NSUN3: variants seen among roughly 807,000 people sequenced by gnomAD.
NSUN3 encodes NOP2/Sun RNA methyltransferase 3, also known as tRNA (cytosine(34)-C(5))-methyltransferase, mitochondrial.
NSUN3 carries 24 observed loss-of-function variants against 36.8 expected under a neutral mutation model. That is an observed-to-expected ratio of 0.65 (90% CI 0.47 to 0.92). The LOEUF is 0.92. NSUN3 is among the 40% of genes least tolerant of loss of function. NSUN3 has a pLI of 0.00. For missense variants in NSUN3, 381 were observed against 392.8 expected (o/e 0.97, Z 0.25); for synonymous variants, 146 against 145.2 (o/e 1.01, Z -0.04).
intron 3 of NSUN3, among the ~76,000 whole-genome samples, chr3:94,090,686 T>G (rs1020249895): frequency 6.6e-6 from 1 of 152,146 alleles, no homozygotes; most frequent in African/African-American, 2.4e-5. Context: ...AAACAAAAAT[T>G]TTTAAATGCA....
At chr3:94,068,238 A>G (rs1421451879) in intron 2 of NSUN3, among the ~76,000 whole-genome samples, 1 of 152,230 alleles carries the variant, frequency 6.6e-6, no homozygotes, top group Non-Finnish European at 1.5e-5. Context: ...TTTGACGTAT[A>G]GTAAGGACTT....
At chr3:94,089,785 T>G (rs891457646) in intron 3 of NSUN3, among the ~76,000 whole-genome samples, 2 of 152,180 alleles carry the variant, frequency 1.3e-5, no homozygotes, top group Non-Finnish European at 2.9e-5. Context: ...GTCCTTTCTT[T>G]CTTGCTCTAA....
Position 94,064,422 on chromosome 3 carries a change from T to C in NSUN3, c.13-15T>C. ...AATATCACTGTGTGTCAGCAACTTT[T>C]TCTTATCGTCATAGCTGAAAGCAAA... On this transcript the variant is annotated splice_polypyrimidine_tract_variant and intron_variant, in intron 1 of 5. Transcript: ENST00000314622. The C allele has an allele frequency of 6.4e-7, 1 of 1,559,936 alleles. No homozygotes were observed. Among genetic ancestry groups the C allele is most frequent in the Non-Finnish European group, 8.8e-7 (1 of 1,131,224 alleles).
At chr3:94,075,849 A>G in intron 2 of NSUN3, 1 of 1,069,096 alleles carries the variant, frequency 9.4e-7, no homozygotes, top group Non-Finnish European at 1.4e-6. Flanking sequence ...GTGTTAAATC[A>G]CTCTCAGGGT....
chr3:94,118,286 A>G (rs2077448367), intron 5 of NSUN3, among the ~76,000 whole-genome samples: 1 of 152,198 alleles, frequency 6.6e-6, no homozygotes, highest in African/African-American at 2.4e-5. Context: ...GGCATTTTAT[A>G]TTAAAGAATA....
chr3:94,096,854 C>CCTGT (rs1318708701), intron 5 of NSUN3, among the ~76,000 whole-genome samples: 1 of 152,132 alleles, frequency 6.6e-6, no homozygotes, highest in African/African-American at 2.4e-5. Flanking sequence ...ATTCCTTACA[C>CCTGT]CTGTAACAGA....
chr3:94,106,763 GA>G (rs1326614756), intron 5 of NSUN3, among the ~76,000 whole-genome samples: 4 of 151,796 alleles, frequency 2.6e-5, no homozygotes, highest in African/African-American at 9.7e-5. Context: ...ACAGGCAGTG[GA>G]AAAATGAAAG....
At chr3:94,078,895 A>C (rs971495217) in intron 2 of NSUN3, among the ~76,000 whole-genome samples, 2 of 152,006 alleles carry the variant, frequency 1.3e-5, no homozygotes, top group South Asian at 4.1e-4. Context: ...CCAATTTGCC[A>C]GTCTGTGTCT....
At chr3:94,111,683 G>A (rs966320612) in intron 5 of NSUN3, among the ~76,000 whole-genome samples, 1 of 151,936 alleles carries the variant, frequency 6.6e-6, no homozygotes, top group Non-Finnish European at 1.5e-5. Flanking sequence ...CAATATCACT[G>A]TCTTCCACCT....
chr3:94,068,907 T>C (rs2077215254), intron 2 of NSUN3, among the ~76,000 whole-genome samples: 1 of 152,212 alleles, frequency 6.6e-6, no homozygotes, highest in Non-Finnish European at 1.5e-5. Context: ...GATTTCTATA[T>C]TGTCCTATAT....
intron 5 of NSUN3, among the ~76,000 whole-genome samples, chr3:94,095,828 C>T (rs1374725236): frequency 2.0e-5 from 3 of 151,946 alleles, no homozygotes; most frequent in East Asian, 1.9e-4. Context: ...CTCACTGCAA[C>T]GTCCACCTCC....
chr3:94,097,401 C>G (rs2077346845), intron 5 of NSUN3, among the ~76,000 whole-genome samples: 1 of 151,508 alleles, frequency 6.6e-6, no homozygotes, highest in African/African-American at 2.4e-5. Flanking sequence ...AAGTCTTTTC[C>G]ATGTAGATCT....
At chr3:94,090,212 T>A (rs557384693) in intron 3 of NSUN3, among the ~76,000 whole-genome samples, 34 of 152,160 alleles carry the variant, frequency 2.2e-4, no homozygotes, top group East Asian at 1.9e-3. Context: ...AAAAAAAAAA[T>A]TAAGATTTGG....
At chr3:94,084,000 G>A in intron 2 of NSUN3, 107 bp from the exon 3 acceptor site, 1 of 785,478 alleles carries the variant, frequency 1.3e-6, no homozygotes, top group Non-Finnish European at 2.0e-6. Flanking sequence ...AAAATCACAG[G>A]TAAGTGAAGT....
At chr3:94,094,438 T>C in intron 4 of NSUN3, 144 bp downstream of exon 4, 1 of 733,912 alleles carries the variant, frequency 1.4e-6, no homozygotes. Flanking sequence ...AAAGTGAACA[T>C]GGAAGCAGTT....
At chr3:94,107,745 A>G (rs1161604544) in intron 5 of NSUN3, among the ~76,000 whole-genome samples, 1 of 152,110 alleles carries the variant, frequency 6.6e-6, no homozygotes, top group Non-Finnish European at 1.5e-5. Flanking sequence ...TGGGGACACC[A>G]TATCTCAATT....
chr3:94,122,748 G>A (rs932129621), intron 5 of NSUN3, among the ~76,000 whole-genome samples: 2 of 151,544 alleles, frequency 1.3e-5, no homozygotes, highest in South Asian at 2.1e-4. Flanking sequence ...ACACTTACAC[G>A]CCCACCCTGC....
chr3:94,112,060 C>G (rs989023394), intron 5 of NSUN3, among the ~76,000 whole-genome samples: 4 of 152,124 alleles, frequency 2.6e-5, no homozygotes, highest in Non-Finnish European at 4.4e-5. Context: ...AGGTCAAGTG[C>G]AAAGGCCATC....
At chr3:94,080,170 C>A (rs929090211) in intron 2 of NSUN3, among the ~76,000 whole-genome samples, 1 of 152,146 alleles carries the variant, frequency 6.6e-6, no homozygotes, top group African/African-American at 2.4e-5. Context: ...CAGTTGGGCC[C>A]CTCTGCTGCA....
Sources: allele counts gnomAD v4.1 joint callset (sites outside exome capture counted in the v4.1 genomes callset), GRCh38; gene constraint gnomAD v4.1.1; transcripts MANE v1.5; gene names NCBI Gene and HGNC (gene_info 2026-07-23, HGNC 2026-07-21).